STARD10: variants seen among roughly 807,000 people sequenced by gnomAD.
The protein encoded by STARD10 is START domain-containing protein 10.
Under a neutral mutation model 36.0 loss-of-function variants are expected in STARD10, and 24 were observed. The observed-to-expected ratio is 0.67, with a 90% CI of 0.48 to 0.94. The LOEUF (loss-of-function observed/expected upper bound fraction) is 0.94. Among genes scored for constraint, STARD10 ranks in the 40% least tolerant of loss-of-function variants. The pLI is 0.00. For missense variants in STARD10, 335 were observed against 396.6 expected (o/e 0.84, Z 1.32); for synonymous variants, 156 against 161.9 (o/e 0.96, Z 0.28).
chr11:72,787,607 C>T (rs947847136), intron 1 of STARD10, among the ~76,000 whole-genome samples: 7 of 152,224 alleles, frequency 4.6e-5, no homozygotes, highest in Admixed American at 4.6e-4. Context: ...TGGACACTGG[C>T]GCCTGCCAGG....
chr11:72,787,400 G>C (rs879901333), intron 1 of STARD10, among the ~76,000 whole-genome samples: 1 of 152,154 alleles, frequency 6.6e-6, no homozygotes, highest in Non-Finnish European at 1.5e-5. Context: ...CCACCATACA[G>C]GACTTCAGAG....
At chr11:72,775,034 C>G (rs1039115094) in intron 2 of STARD10, among the ~76,000 whole-genome samples, 1 of 152,188 alleles carries the variant, frequency 6.6e-6, no homozygotes, top group Admixed American at 6.5e-5. Context: ...CTAGTCCCAG[C>G]AGGGACACAG....
At chr11:72,771,062 A>G (rs992630509) in intron 2 of STARD10, among the ~76,000 whole-genome samples, 2 of 152,222 alleles carry the variant, frequency 1.3e-5, no homozygotes, top group African/African-American at 4.8e-5. Context: ...TATCCTCTCA[A>G]CTATCTGGGA....
At chr11:72,778,303 T>A (rs1858952089) in intron 2 of STARD10, among the ~76,000 whole-genome samples, 1 of 152,218 alleles carries the variant, frequency 6.6e-6, no homozygotes, top group Non-Finnish European at 1.5e-5. Context: ...AGCCTCAGTT[T>A]CTTTGTTTGT....
At chr11:72,787,520 C>T (rs997071475) in intron 1 of STARD10, among the ~76,000 whole-genome samples, 1 of 152,228 alleles carries the variant, frequency 6.6e-6, no homozygotes, top group Non-Finnish European at 1.5e-5. Flanking sequence ...CAGGTGGATT[C>T]TCCTTCCGGA....
intron 2 of STARD10, among the ~76,000 whole-genome samples, chr11:72,774,486 T>G (rs570772726): frequency 1.3e-5 from 2 of 152,112 alleles, no homozygotes; most frequent in African/African-American, 4.8e-5. Flanking sequence ...CTGCTGCCCA[T>G]ACTTTTGAGT....
intron 2 of STARD10, among the ~76,000 whole-genome samples, chr11:72,775,847 G>A (rs111741948): frequency 6.6e-6 from 1 of 152,274 alleles, no homozygotes; most frequent in African/African-American, 2.4e-5. Flanking sequence ...AGGAAGCTGA[G>A]TCCCAGGCAG....
In STARD10 at chr11:72,781,409, GGACGGGCGCTGGACA is replaced by G; in HGVS notation, c.-113-130_-113-116del. On this transcript the variant is annotated intron_variant, in intron 1 of 6. Coordinates refer to ENST00000334805, the MANE Select transcript of STARD10 (RefSeq NM_006645.3). The surrounding 1 kb of genome is among the most constrained non-coding windows in gnomAD (Gnocchi z 4.7). The stretch of plus-strand genomic sequence containing the variant: ...GTAGGGGCTGGCCCCAGGGAAGGGC[GGACGGGCGCTGGACA>G]GCCTCGGGGTCCCCCTCCCGAGGAG... 1 of 561,466 alleles carries G rather than the reference GGACGGGCGCTGGACA, an allele frequency of 1.8e-6. No individual in the cohort carries two copies. The highest frequency in any genetic ancestry group is 3.2e-6 in the Non-Finnish European group (1 of 311,834). 34.8% of individuals were successfully genotyped at this position (561,466 alleles called of 1,614,324 possible). A position where few individuals can be genotyped will look rare whatever the true frequency, so the allele number is the denominator to read the frequency against.
chr11:72,764,520 C>T (rs761789984), intron 2 of STARD10, among the ~76,000 whole-genome samples: 9 of 152,214 alleles, frequency 5.9e-5, no homozygotes, highest in Non-Finnish European at 1.3e-4. Flanking sequence ...TGAGGCAGGC[C>T]GGGTCGTGGG....
intron 1 of STARD10, among the ~76,000 whole-genome samples, chr11:72,792,086 G>C (rs1859151358): frequency 8.7e-6 from 1 of 115,084 alleles, no homozygotes. Flanking sequence ...GTCTTACTCT[G>C]TCAGCCAGGC....
intron 2 of STARD10, among the ~76,000 whole-genome samples, chr11:72,773,796 G>T (rs1378067190): frequency 6.6e-6 from 1 of 152,172 alleles, no homozygotes; most frequent in Non-Finnish European, 1.5e-5. Flanking sequence ...ATCATCTGGT[G>T]TCTTATTTAG....
intron 2 of STARD10, among the ~76,000 whole-genome samples, chr11:72,771,289 G>T (rs533631737): frequency 6.8e-4 from 104 of 152,282 alleles, no homozygotes; most frequent in African/African-American, 2.3e-3. Flanking sequence ...GGCTTTTGAG[G>T]GTGTGTGTGG....
intron 2 of STARD10, among the ~76,000 whole-genome samples, chr11:72,773,726 C>T (rs1416749087): frequency 6.6e-6 from 1 of 152,214 alleles, no homozygotes; most frequent in Non-Finnish European, 1.5e-5. Flanking sequence ...CAGCTCCACA[C>T]ACGAAGGCCC....
At chr11:72,755,280 CT>C (rs768528498) in intron 6 of STARD10, 138 bp from the exon 7 acceptor site, 1 of 912,762 alleles carries the variant, frequency 1.1e-6, no homozygotes, top group Non-Finnish European at 1.6e-6. Flanking sequence ...CTTGCCCTCC[CT>C]GGGCCCTAGG....
chr11:72,769,643 C>T (rs987458114), intron 2 of STARD10, among the ~76,000 whole-genome samples: 1 of 151,874 alleles, frequency 6.6e-6, no homozygotes, highest in Non-Finnish European at 1.5e-5. Flanking sequence ...TGCACCCCAC[C>T]AAAAATGTAT....
chr11:72,770,286 T>C (rs1371526920), intron 2 of STARD10, among the ~76,000 whole-genome samples: 1 of 152,244 alleles, frequency 6.6e-6, no homozygotes, highest in Non-Finnish European at 1.5e-5. Context: ...TGGCACTATC[T>C]TGGCTCACTG....
chr11:72,787,320 G>C (rs1859086004), intron 1 of STARD10, among the ~76,000 whole-genome samples: 1 of 152,104 alleles, frequency 6.6e-6, no homozygotes, highest in East Asian at 1.9e-4. Flanking sequence ...CTGCCCTCTG[G>C]GCCTCGCAGG....
rs1046737410 is a variant in STARD10 at position 72,755,292 on chromosome 11, C to T, written c.631-150G>A. 1.3e-5 allele frequency: 9 copies of T among 675,688 alleles called. No homozygotes were observed. In the Admixed American group the frequency reaches 2.7e-4, roughly 20 times the overall value. 41.9% of individuals were successfully genotyped at this position (675,688 alleles called of 1,614,324 possible). On this transcript the variant is annotated intron_variant, in intron 6 of 6. Transcript: ENST00000334805. ...CTACTTGCCCTCCCTGGGCCCTAGGCTCCATTCTCCATTCTTTTTTTTTTT... is the reference window on the plus strand; with the variant it reads ...CTACTTGCCCTCCCTGGGCCCTAGGTTCCATTCTCCATTCTTTTTTTTTTT...
intron 2 of STARD10, chr11:72,780,722 C>A: frequency 1.8e-6 from 1 of 547,060 alleles, no homozygotes; most frequent in East Asian, 3.1e-5. Context: ...CTGGAACAGG[C>A]AGGGGCATGC....
Sources: allele counts gnomAD v4.1 joint callset (sites outside exome capture counted in the v4.1 genomes callset), GRCh38; gene constraint gnomAD v4.1.1; non-coding constraint Gnocchi (gnomAD v3.1); transcripts MANE v1.5; gene names NCBI Gene and HGNC (gene_info 2026-07-23, HGNC 2026-07-21).